URB2: variants seen among roughly 807,000 people sequenced by gnomAD.
URB2 encodes URB2 ribosome biogenesis homolog.
A neutral mutation model predicts 120.9 loss-of-function variants in URB2; 86 were observed. The ratio of observed to expected loss-of-function variants is 0.71; its 90% CI spans 0.60 to 0.85. The LOEUF (loss-of-function observed/expected upper bound fraction) is 0.85. URB2 is among the 40% of genes least tolerant of loss of function. URB2 has a pLI of 0.00. For synonymous variants in URB2, 755 were observed against 758.4 expected (o/e 1.00, Z 0.07); for missense variants, 1,765 against 1,836.5 (o/e 0.96, Z 0.71).
Position 229,652,587 on chromosome 1 carries a change from G to A in URB2, c.4237+1265G>A, listed in dbSNP as rs140710054. On this transcript the variant is annotated intron_variant, in intron 8 of 9. Coordinates refer to ENST00000258243, the MANE Select transcript of URB2 (RefSeq NM_014777.4). ...TCTTCCTGTATCTGGTGCAGAGCAC[G>A]TCAGCTTCATATTGTGAATCGATTT... 2.9e-3 allele frequency among the ~76,000 whole-genome samples: 446 copies of A among 152,372 alleles called. 4 individuals are homozygous for A. Among genetic ancestry groups the A allele is most frequent in the African/African-American group, 0.01 (423 of 41,592 alleles).
chr1:229,636,410 G>C lies in URB2; in HGVS notation c.1797G>C (p.Leu599=). The part of the protein sequence containing the change: ...DTPGPEPELW[L]QKVSDSVLLL... ...CAGGCCCAGAGCCAGAGCTGTGGCT[G>C]CAGAAGGTCAGTGACTCTGTGCTCC... The change falls in exon 4 of 10, where the codon CTG becomes CTC. Residue 599 remains leucine (L), a synonymous_variant. Transcript: ENST00000258243. 2 of 1,614,272 alleles carry C rather than the reference G, an allele frequency of 1.2e-6. No homozygotes were observed. The highest frequency in any genetic ancestry group is 3.3e-5 in the Admixed American group (2 of 60,032).
At chr1:229,643,338 C>T (rs1028217337) in intron 4 of URB2, among the ~76,000 whole-genome samples, 195 bp from the exon 5 acceptor site, 4 of 152,222 alleles carry the variant, frequency 2.6e-5, no homozygotes, top group Non-Finnish European at 5.9e-5. Context: ...AATGCACAGG[C>T]GTAGCTGTGC....
At position 229,638,414 on chromosome 1, in the gene URB2, G is replaced by A. The variant is rs1349820345; in HGVS notation, c.3634+167G>A. On this transcript the variant is annotated intron_variant, in intron 4 of 9. Transcript: ENST00000258243. ...TAATCCCAGCACTTTGGGAGGCCGA[G>A]GCGGGCGGATCACAAGGCCAGGAGA... is the stretch of plus-strand genomic sequence containing the variant. Among the ~76,000 whole-genome samples the A allele has an allele frequency of 2.6e-5, 4 of 152,130 alleles. No individual in the cohort carries two copies. In the East Asian group the frequency reaches 7.7e-4, roughly 29 times the overall value.
At chr1:229,651,204 T>A in intron 7 of URB2, 31 bp from the exon 8 acceptor site, 1 of 1,574,590 alleles carries the variant, frequency 6.4e-7, no homozygotes, top group African/African-American at 1.4e-5. Context: ...ATCACGTATG[T>A]ACTTTTACAT....
Position 229,632,274 on chromosome 1 carries a change from A to T in URB2, c.132A>T (p.Leu44Phe). 1 of 1,551,578 alleles carries T rather than the reference A, an allele frequency of 6.4e-7. No homozygotes were observed. Among genetic ancestry groups the T allele is most frequent in the Non-Finnish European group, 8.6e-7 (1 of 1,159,048 alleles). The change falls in exon 3 of 10, where the codon TTA becomes TTT. Residue 44 changes from leucine (L) to phenylalanine (F), a missense_variant. Physicochemically the swap from Leu to Phe is conservative, Grantham distance 22. Coordinates refer to ENST00000258243, the MANE Select transcript of URB2 (RefSeq NM_014777.4). ...QCFLPNKEQV[L>F]LDWARQSLVA... ...TATGTGTCCTTCAAATTCAGGTGTT[A>T]CTTGATTGGGCAAGACAATCATTGG... is the stretch of plus-strand genomic sequence containing the variant.
intron 5 of URB2, among the ~76,000 whole-genome samples, chr1:229,644,499 G>C (rs35801208): frequency 2.4e-4 from 37 of 152,354 alleles, no homozygotes; most frequent in Non-Finnish European, 4.6e-4. Flanking sequence ...TTGGGGAGCA[G>C]AGGTGAGGGG....
At position 229,638,120 on chromosome 1, in the gene URB2, G is replaced by C; in HGVS notation, c.3507G>C (p.Ala1169=). 6.2e-7 allele frequency: 1 copy of C among 1,614,184 alleles called. No homozygotes were observed. Among genetic ancestry groups the C allele is most frequent in the Non-Finnish European group, 8.5e-7 (1 of 1,180,034 alleles). The change falls in exon 4 of 10, where the codon GCG becomes GCC. Residue 1169 remains alanine, a synonymous_variant. Transcript: ENST00000258243. Reference sequence around the variant, plus strand: ...TACTGTTGGAGTTGCCAGCTCTCGCGGGACATGATCAGTCTTTTCAGGCAG... The same window carrying C: ...TACTGTTGGAGTTGCCAGCTCTCGCCGGACATGATCAGTCTTTTCAGGCAG... ...SQILLELPAL[A]GHDQSFQAAL... is the part of the protein sequence containing the mutation.
At chr1:229,648,448 A>G (rs1448806696) in intron 7 of URB2, among the ~76,000 whole-genome samples, 1 of 152,160 alleles carries the variant, frequency 6.6e-6, no homozygotes, top group Admixed American at 6.5e-5. Flanking sequence ...TTATAATTCA[A>G]ATGGATATAG....
rs761449946 is a variant in URB2 at position 229,637,916 on chromosome 1, C to T, written c.3303C>T (p.Leu1101=). 1.2e-6 allele frequency: 2 copies of T among 1,611,290 alleles called. No individual in the cohort carries two copies. The highest frequency in any genetic ancestry group is 1.1e-5 in the South Asian group (1 of 90,622). Reference sequence around the variant, plus strand: ...TGCAGACAGGAGCTGTGCTGCAGCTCTGCTCAGTGCCGGGGGCCCGGGGCT... The same window carrying T: ...TGCAGACAGGAGCTGTGCTGCAGCTTTGCTCAGTGCCGGGGGCCCGGGGCT... ...VVLQTGAVLQ[L]CSVPGARGWR... is the part of the protein sequence containing the mutation. Residue 1101 remains leucine (L), a synonymous_variant, in exon 4 of 10, where the codon CTC becomes CTT. Transcript: ENST00000258243.
intron 3 of URB2, among the ~76,000 whole-genome samples, chr1:229,632,749 T>C (rs1473720): frequency 0.53 from 80,832 of 151,476 alleles, 21,807 homozygotes; most frequent in East Asian, 0.77. Context: ...TCTTCTTCTT[T>C]ACCTTTCTTT....
chr1:229,655,118 C>T (rs10495287), intron 9 of URB2, among the ~76,000 whole-genome samples: 15,555 of 152,076 alleles, frequency 0.1, 1,314 homozygotes, highest in East Asian at 0.42. Flanking sequence ...CACTCAAAGT[C>T]GATGACAAGG....
At position 229,626,251 on chromosome 1, in the gene URB2, A is replaced by G. The variant is rs1459041782; in HGVS notation, c.-119A>G. On this transcript the variant is annotated 5_prime_UTR_variant, in exon 1 of 10. Coordinates refer to ENST00000258243, the MANE Select transcript of URB2 (RefSeq NM_014777.4). The stretch of plus-strand genomic sequence containing the variant: ...CGTGGTGGGGACGCGGGACCCGTAC[A>G]GCGGCCTCCGCCGCACCGGGACAGC... 9 of 152,542 alleles carry G rather than the reference A, an allele frequency of 5.9e-5. No individual in the cohort carries two copies. In the Admixed American group the frequency reaches 5.9e-4, roughly 10 times the overall value. 9.4% of individuals were successfully genotyped at this position (152,542 alleles called of 1,614,324 possible).
At chr1:229,651,032 G>A (rs1174227459) in intron 7 of URB2, 1 of 339,600 alleles carries the variant, frequency 2.9e-6, no homozygotes, top group East Asian at 5.3e-5. Flanking sequence ...GTTAAAACAA[G>A]GGTCAAAGAG....
At chr1:229,646,357 C>T (rs1444961653) in intron 6 of URB2, among the ~76,000 whole-genome samples, 2 of 152,136 alleles carry the variant, frequency 1.3e-5, no homozygotes, top group Non-Finnish European at 2.9e-5. Context: ...TGGCTATTTG[C>T]AGTTGCAAAT....
rs1287071813 is a variant in URB2, at chr1:229,655,742, G to A, written c.4377+1354G>A. Among the ~76,000 whole-genome samples the A allele has an allele frequency of 3.3e-5, 5 of 152,146 alleles. No individual in the cohort carries two copies. The East Asian group carries it at 9.6e-4, about 29-fold the overall frequency. ...ATGTATAGATATACATTTATATTGT[G>A]TTCAATCTCTCTGTAAAATACCCAT... On this transcript the variant is annotated intron_variant, in intron 9 of 9. Transcript: ENST00000258243.
chr1:229,635,776 G>A lies in URB2; in HGVS notation c.1163G>A (p.Arg388His), dbSNP rs371904819. ...ATTCGGCACGAAGAGGCTCAGTTCC[G>A]CTTTTACCGCCACGTGGCTGAGCTG... is the stretch of plus-strand genomic sequence containing the variant. Reference protein sequence around the residue: ...DRIRHEEAQFRFYRHVAELLI... With the variant: ...DRIRHEEAQFHFYRHVAELLI... Residue 388 changes from arginine to histidine, a missense_variant, in exon 4 of 10, where the codon CGC becomes CAC. Coordinates refer to ENST00000258243, the MANE Select transcript of URB2 (RefSeq NM_014777.4). 7.4e-6 allele frequency: 12 copies of A among 1,614,064 alleles called. No homozygotes were observed. Among genetic ancestry groups the A allele is most frequent in the African/African-American group, 5.3e-5 (4 of 74,938 alleles).
At chr1:229,627,591 AT>A (rs747097821) in intron 1 of URB2, 29 bp from the exon 2 acceptor site, 97 of 1,599,300 alleles carry the variant, frequency 6.1e-5, no homozygotes, top group African/African-American at 9.4e-5. Context: ...TTGTTATAGT[AT>A]TTTTTTTCCC....
chr1:229,643,985 A>C (rs1203455141), intron 5 of URB2, among the ~76,000 whole-genome samples: 1 of 152,254 alleles, frequency 6.6e-6, no homozygotes, highest in Non-Finnish European at 1.5e-5. Context: ...TAAAAAAGTT[A>C]AATTCTGCTC....
At chr1:229,642,769 A>G (rs1002285337) in intron 4 of URB2, among the ~76,000 whole-genome samples, 5 of 152,210 alleles carry the variant, frequency 3.3e-5, no homozygotes, top group African/African-American at 9.7e-5. Context: ...AAATAGAGAA[A>G]TAAAATACAG....
Sources: gnomAD v4.1 joint callset for allele counts (sites outside exome capture counted in the v4.1 genomes callset) on GRCh38, gnomAD v4.1.1 for gene constraint, MANE v1.5 for transcripts, NCBI Gene and HGNC (gene_info 2026-07-23, HGNC 2026-07-21) for gene names.